Variants in CAMTA1 observed in about 807,000 individuals in gnomAD.
CAMTA1 encodes the protein calmodulin binding transcription activator 1.
CAMTA1 carries 27 observed loss-of-function variants against 170.9 expected under a neutral mutation model. The ratio of observed to expected loss-of-function variants is 0.16; its 90% CI spans 0.12 to 0.22. The LOEUF is 0.22. Ranked by LOEUF, CAMTA1 falls within the 10% of genes least tolerant of loss-of-function variation. CAMTA1 has a pLI of 1.00. For missense variants in CAMTA1, 1,619 were observed against 2,217.2 expected, an observed-to-expected ratio of 0.73 and a Z score of 5.42; for synonymous variants, 833 against 891.5, an observed-to-expected ratio of 0.93 and a Z score of 1.17.
chr1:7,568,429 A>G (rs960442235), intron 6 of CAMTA1, among the ~76,000 whole-genome samples: 3 of 150,458 alleles, frequency 2.0e-5, no homozygotes, highest in Non-Finnish European at 4.4e-5. Flanking sequence ...TCATCACCAC[A>G]TCACCATCAA....
At chr1:6,944,374 T>C (rs551368517) in intron 3 of CAMTA1, among the ~76,000 whole-genome samples, 2 of 152,184 alleles carry the variant, frequency 1.3e-5, no homozygotes, top group East Asian at 3.9e-4. Flanking sequence ...AGTCCTCTGT[T>C]CAACCCGGGC....
At chr1:7,206,810 G>C (rs1657822959) in intron 4 of CAMTA1, among the ~76,000 whole-genome samples, 1 of 152,052 alleles carries the variant, frequency 6.6e-6, no homozygotes, top group South Asian at 2.1e-4. Context: ...TCAGTCTGAG[G>C]GAGTGCAAAT....
chr1:6,794,890 G>GTT (rs61310345), intron 1 of CAMTA1, among the ~76,000 whole-genome samples: 9 of 147,046 alleles, frequency 6.1e-5, no homozygotes, highest in African/African-American at 1.7e-4. Context: ...CTTTTTTTTT[G>GTT]TTTTTTTTGT....
chr1:7,221,444 G>A (rs564380693), intron 4 of CAMTA1, among the ~76,000 whole-genome samples: 1 of 152,294 alleles, frequency 6.6e-6, no homozygotes, highest in Non-Finnish European at 1.5e-5. Context: ...GGTTTCCATA[G>A]TGTGCATTAG....
rs551286241 is a variant in CAMTA1, at chr1:7,321,334, G to A, written c.438+71708G>A. On this transcript the variant is annotated intron_variant, in intron 5 of 22. Coordinates refer to ENST00000303635, the MANE Select transcript of CAMTA1 (RefSeq NM_015215.4). ...TGATGGTTAAGCACTAGCCTTTACC[G>A]TTTTGGGGTCCTATTGCACCATTGC... Among the ~76,000 whole-genome samples the A allele has an allele frequency of 2.6e-4, 40 of 152,280 alleles. No homozygotes were observed. The East Asian group carries it at 6.2e-3, about 24-fold the overall frequency.
chr1:7,352,479 G>A (rs1458545436), intron 5 of CAMTA1, among the ~76,000 whole-genome samples: 1 of 152,216 alleles, frequency 6.6e-6, no homozygotes, highest in African/African-American at 2.4e-5. Context: ...AGACACAGTG[G>A]CTGAGCTGAT....
At chr1:7,474,072 C>T (rs565093704) in intron 6 of CAMTA1, among the ~76,000 whole-genome samples, 2 of 152,218 alleles carry the variant, frequency 1.3e-5, no homozygotes, top group Non-Finnish European at 2.9e-5. Context: ...GCACCATCAG[C>T]CCTCTGTGTG....
At chr1:7,470,189 C>G (rs972732257) in intron 6 of CAMTA1, among the ~76,000 whole-genome samples, 1 of 152,210 alleles carries the variant, frequency 6.6e-6, no homozygotes, top group Non-Finnish European at 1.5e-5. Context: ...AGAGGGAGCG[C>G]ACACAGGTGT....
intron 5 of CAMTA1, among the ~76,000 whole-genome samples, chr1:7,410,105 T>G (rs1312701438): frequency 6.6e-6 from 1 of 152,178 alleles, no homozygotes; most frequent in East Asian, 1.9e-4. Context: ...TCTCCCCTCC[T>G]TGAAGGAAAG....
chr1:7,244,852 C>T (rs1374487849), intron 4 of CAMTA1, among the ~76,000 whole-genome samples: 1 of 151,902 alleles, frequency 6.6e-6, no homozygotes, highest in Non-Finnish European at 1.5e-5. Context: ...TGTAACAAAC[C>T]TGCACGTTGT....
At chr1:7,160,439 C>A (rs2148754752) in intron 4 of CAMTA1, among the ~76,000 whole-genome samples, 1 of 152,210 alleles carries the variant, frequency 6.6e-6, no homozygotes, top group East Asian at 1.9e-4. Flanking sequence ...CTTTGACTAT[C>A]TCGGCAGCAT....
intron 3 of CAMTA1, among the ~76,000 whole-genome samples, chr1:6,902,458 G>A (rs1677330651): frequency 6.6e-6 from 1 of 152,182 alleles, no homozygotes; most frequent in African/African-American, 2.4e-5. Context: ...GACTCAAAAG[G>A]CCTGATTCTG....
In CAMTA1 at chr1:7,595,473, G is replaced by A. The variant is rs1044441029; in HGVS notation, c.511-44927G>A. 3.9e-5 allele frequency among the ~76,000 whole-genome samples: 6 copies of A among 152,278 alleles called. No individual in the cohort carries two copies. The East Asian group carries it at 9.7e-4, about 24-fold the overall frequency. ...GCCTTAATTTGGTTCTTCTTTAAAC[G>A]AAGAAGGTGGGAAGCTGTTTCCTCC... On this transcript the variant is annotated intron_variant, in intron 6 of 22. Coordinates refer to ENST00000303635, the MANE Select transcript of CAMTA1 (RefSeq NM_015215.4).
intron 3 of CAMTA1, among the ~76,000 whole-genome samples, chr1:6,935,245 C>T (rs1685106083): frequency 6.6e-6 from 1 of 152,168 alleles, no homozygotes; most frequent in Non-Finnish European, 1.5e-5. Context: ...GTGAGCTCCC[C>T]ACTTGGCAGT....
At chr1:6,989,540 T>TC (rs1695964154) in intron 3 of CAMTA1, among the ~76,000 whole-genome samples, 1 of 152,164 alleles carries the variant, frequency 6.6e-6, no homozygotes, top group African/African-American at 2.4e-5. Flanking sequence ...AAGTTTTTTT[T>TC]CCCCAAACAA....
At chr1:7,553,436 G>T (rs2094834885) in intron 6 of CAMTA1, among the ~76,000 whole-genome samples, 1 of 152,226 alleles carries the variant, frequency 6.6e-6, no homozygotes, top group Non-Finnish European at 1.5e-5. Flanking sequence ...GCTGCCACGT[G>T]TAGGGGCTGA....
chr1:7,341,108 GT>G (rs1446468278), intron 5 of CAMTA1, among the ~76,000 whole-genome samples: 11 of 152,316 alleles, frequency 7.2e-5, no homozygotes, highest in African/African-American at 2.6e-4. Context: ...ACCACAAAGG[GT>G]CTCCGAGGTG....
chr1:7,756,871 C>CA (rs1221432786), intron 22 of CAMTA1, among the ~76,000 whole-genome samples: 1 of 151,484 alleles, frequency 6.6e-6, no homozygotes, highest in Admixed American at 6.6e-5. Context: ...CAAAACAAAA[C>CA]AAAAAACGCC....
chr1:6,920,714 T>C (rs917613463), intron 3 of CAMTA1, among the ~76,000 whole-genome samples: 1 of 152,266 alleles, frequency 6.6e-6, no homozygotes, highest in African/African-American at 2.4e-5. Flanking sequence ...TTGACTTCTC[T>C]GCACCTGCAG....
Sources: allele counts gnomAD v4.1 joint callset (sites outside exome capture counted in the v4.1 genomes callset), GRCh38; gene constraint gnomAD v4.1.1; transcripts MANE v1.5; gene names NCBI Gene and HGNC (gene_info 2026-07-23, HGNC 2026-07-21).